The following TRAPPC10 variants were observed in gnomAD, a reference collection of about 807,000 sequenced individuals.
TRAPPC10 encodes the protein trafficking protein particle complex subunit 10.
A neutral mutation model predicts 125.5 loss-of-function variants in TRAPPC10; 23 were observed. The observed-to-expected ratio is 0.18, with a 90% CI of 0.13 to 0.26. TRAPPC10 has a LOEUF of 0.26. Among genes scored for constraint, TRAPPC10 ranks in the 10% least tolerant of loss-of-function variants. TRAPPC10 has a pLI of 1.00. For synonymous variants in TRAPPC10, 509 were observed against 518.0 expected, an observed-to-expected ratio of 0.98 and a Z score of 0.24; for missense variants, 1,123 against 1,308.4, an observed-to-expected ratio of 0.86 and a Z score of 2.19.
At chr21:44,014,424 TTCTC>T (rs1447041761) in intron 1 of TRAPPC10, among the ~76,000 whole-genome samples, 3 of 151,898 alleles carry the variant, frequency 2.0e-5, no homozygotes, top group African/African-American at 7.3e-5. Flanking sequence ...GACGGCGTCT[TTCTC>T]TGTCGCCCAG....
At chr21:44,042,035 A>G (rs750264069) in intron 3 of TRAPPC10, among the ~76,000 whole-genome samples, 3 of 152,076 alleles carry the variant, frequency 2.0e-5, no homozygotes, top group Non-Finnish European at 4.4e-5. Context: ...CTTATTTTGT[A>G]TATTTGTGCT....
intron 8 of TRAPPC10, 104 bp downstream of exon 8, chr21:44,074,574 C>T (rs768558481): frequency 3.2e-5 from 46 of 1,459,672 alleles, no homozygotes; most frequent in Non-Finnish European, 4.3e-5. Flanking sequence ...TCATTTAGAT[C>T]ACGATGCATC....
chr21:44,027,749 T>C (rs955255031), intron 1 of TRAPPC10, among the ~76,000 whole-genome samples: 1 of 152,184 alleles, frequency 6.6e-6, no homozygotes, highest in Admixed American at 6.5e-5. Flanking sequence ...AGCTGTTCCA[T>C]GACCCTAATG....
chr21:44,075,571 G>A lies in TRAPPC10; in HGVS notation c.1300+418G>A, dbSNP rs191931284. Reference sequence around the variant, plus strand: ...CACAATCTTGGCTCACTGCAGCCTCGACCTCCTGGGCTCAAGGGATCCTCT... The same window carrying A: ...CACAATCTTGGCTCACTGCAGCCTCAACCTCCTGGGCTCAAGGGATCCTCT... On this transcript the variant is annotated intron_variant, in intron 9 of 22. Coordinates refer to ENST00000291574, the MANE Select transcript of TRAPPC10 (RefSeq NM_003274.5). Among the ~76,000 whole-genome samples the A allele has an allele frequency of 4.6e-3, 692 of 151,668 alleles. 6 individuals are homozygous for A. The highest frequency in any genetic ancestry group is 0.016 in the African/African-American group (646 of 41,308).
chr21:44,079,023 G>A (rs529843897), intron 11 of TRAPPC10, among the ~76,000 whole-genome samples: 16 of 152,342 alleles, frequency 1.1e-4, no homozygotes, highest in African/African-American at 3.8e-4. Context: ...TTCTCTGGAA[G>A]CTGGATCCTG....
chr21:44,056,646 T>G (rs1330419249), intron 5 of TRAPPC10, among the ~76,000 whole-genome samples: 2 of 152,146 alleles, frequency 1.3e-5, no homozygotes, highest in African/African-American at 4.8e-5. Flanking sequence ...TGAACCCACG[T>G]AAAGGGACAT....
chr21:44,037,745 A>C (rs753248142), intron 2 of TRAPPC10, 47 bp from the exon 3 acceptor site: 7 of 1,587,880 alleles, frequency 4.4e-6, no homozygotes, highest in Non-Finnish European at 6.0e-6. Flanking sequence ...TCTTCTGATG[A>C]ATGCTGTTTA....
At position 44,055,890 on chromosome 21, in the gene TRAPPC10, T is replaced by G. The variant is rs755035765; in HGVS notation, c.675T>G (p.Val225=). ...PGWSFCEYFM[V]QEELAFVFEM... is the part of the protein sequence containing the mutation. ...GGAGCTTTTGTGAATATTTCATGGT[T>G]CAGGTACTTGACTCATTACAGAACT... The change falls in exon 5 of 23, where the codon GTT becomes GTG. Residue 225 remains valine, a synonymous_variant. Coordinates refer to ENST00000291574, the MANE Select transcript of TRAPPC10 (RefSeq NM_003274.5). 1 of 1,599,932 alleles carries G rather than the reference T, an allele frequency of 6.3e-7. No individual in the cohort carries two copies. Among genetic ancestry groups the G allele is most frequent in the South Asian group, 1.1e-5 (1 of 90,282 alleles).
Position 44,087,557 on chromosome 21 carries a change from T to C in TRAPPC10, c.2540-142T>C. 1.4e-6 allele frequency: 1 copy of C among 706,038 alleles called. No individual in the cohort carries two copies. Among genetic ancestry groups the C allele is most frequent in the East Asian group, 2.7e-5 (1 of 36,922 alleles). The allele number at this position is 706,038 out of a possible 1,614,324, so 43.7% of individuals were successfully genotyped here. On this transcript the variant is annotated intron_variant, in intron 16 of 22. Coordinates refer to ENST00000291574, the MANE Select transcript of TRAPPC10 (RefSeq NM_003274.5). This position sits in a 1 kb window ranked among gnomAD's most constrained non-coding sequence, Gnocchi z 4.6. Reference sequence around the variant, plus strand: ...CAGGGCTGCTCTGTCCTAGGGGCCTTGTTCTTGGGTTTGCCTGCCAGGTGC... The same window carrying C: ...CAGGGCTGCTCTGTCCTAGGGGCCTCGTTCTTGGGTTTGCCTGCCAGGTGC...
intron 15 of TRAPPC10, among the ~76,000 whole-genome samples, chr21:44,085,680 G>A (rs1158428581): frequency 6.6e-6 from 1 of 151,000 alleles, no homozygotes; most frequent in Non-Finnish European, 1.5e-5. Context: ...GTTCTCCAGC[G>A]TGGGTGACAG....
intron 3 of TRAPPC10, chr21:44,046,308 GTATT>G (rs2034801127): frequency 7.9e-6 from 2 of 254,028 alleles, no homozygotes; most frequent in South Asian, 6.3e-5. Flanking sequence ...AGCTGGTAGA[GTATT>G]TAGAGTCCTG....
At chr21:44,066,836 A>G (rs1281735084) in intron 7 of TRAPPC10, among the ~76,000 whole-genome samples, 1 of 152,188 alleles carries the variant, frequency 6.6e-6, no homozygotes, top group Non-Finnish European at 1.5e-5. Flanking sequence ...TTAAAGCTAT[A>G]TGTTGTTAAT....
chr21:44,063,217 C>T lies in TRAPPC10; in HGVS notation c.791-321C>T, dbSNP rs1274027600. The T allele has an allele frequency of 2.4e-6, 3 of 1,267,298 alleles. No homozygotes were observed. The highest frequency in any genetic ancestry group is 6.0e-5 in the Admixed American group (2 of 33,456). 78.5% of individuals were successfully genotyped at this position (1,267,298 alleles called of 1,614,324 possible). A position where few individuals can be genotyped will look rare whatever the true frequency, so the allele number is the denominator to read the frequency against. ...CGCTGCAGCCTAAGACTAGAGCCCT[C>T]CCTCGGCCTGAGACAGAGCCTGAGC... On this transcript the variant is annotated intron_variant, in intron 6 of 22. Coordinates refer to ENST00000291574, the MANE Select transcript of TRAPPC10 (RefSeq NM_003274.5). This position sits in a 1 kb window ranked among gnomAD's most constrained non-coding sequence, Gnocchi z 4.4.
At chr21:44,053,017 C>T (rs139130482) in intron 4 of TRAPPC10, among the ~76,000 whole-genome samples, 1 of 151,976 alleles carries the variant, frequency 6.6e-6, no homozygotes, top group Non-Finnish European at 1.5e-5. Context: ...GATGCCATTG[C>T]CAGCTGAGCC....
chr21:44,079,638 C>T lies in TRAPPC10; in HGVS notation c.1544C>T (p.Ala515Val). The change falls in exon 12 of 23, where the codon GCA (alanine) becomes GTA (valine). Residue 515 changes from alanine to valine, a missense_variant. Physicochemically the swap from Ala to Val is moderately conservative, Grantham distance 64 (BLOSUM62 0). Around this residue, in one of 4 missense-constraint regions of TRAPPC10, gnomAD observed 840 missense variants for 902.0 expected, o/e 0.93. Coordinates refer to ENST00000291574, the MANE Select transcript of TRAPPC10 (RefSeq NM_003274.5). ...AAAAACTACCTGGCTGAGGGCTGGG[C>T]ACTCCCCATCACACACACAAGGAAG... ...ALKNYLAEGW[A>V]LPITHTRKQL... 1 of 1,610,652 alleles carries T rather than the reference C, an allele frequency of 6.2e-7. No homozygotes were observed. The highest frequency in any genetic ancestry group is 8.5e-7 in the Non-Finnish European group (1 of 1,179,232).
At chr21:44,046,811 T>A in intron 3 of TRAPPC10, 1 of 588,988 alleles carries the variant, frequency 1.7e-6, no homozygotes, top group Non-Finnish European at 3.2e-6. Context: ...CCCGGCCACC[T>A]TTAAGTCTTT....
chr21:44,079,906 A>G, intron 12 of TRAPPC10, 109 bp from the exon 13 acceptor site: 4 of 1,109,320 alleles, frequency 3.6e-6, no homozygotes, highest in Non-Finnish European at 3.8e-6. Context: ...AAAAAAAAAA[A>G]GCCCTTTGGC....
At chr21:44,027,758 T>C (rs776787613) in intron 1 of TRAPPC10, among the ~76,000 whole-genome samples, 4 of 152,170 alleles carry the variant, frequency 2.6e-5, no homozygotes, top group Non-Finnish European at 5.9e-5. Flanking sequence ...ATGACCCTAA[T>C]GTGATGGTTT....
chr21:44,035,639 T>C (rs2033932665), intron 2 of TRAPPC10, among the ~76,000 whole-genome samples: 1 of 152,004 alleles, frequency 6.6e-6, no homozygotes, highest in Non-Finnish European at 1.5e-5. Flanking sequence ...TAGCCAGGCA[T>C]GGTGGCACAC....
Sources: gnomAD v4.1 joint callset for allele counts (sites outside exome capture counted in the v4.1 genomes callset) on GRCh38, gnomAD v4.1.1 for gene constraint, gnomAD v4.1.1 regional missense constraint, Gnocchi (gnomAD v3.1) non-coding constraint, MANE v1.5 for transcripts, NCBI Gene and HGNC (gene_info 2026-07-23, HGNC 2026-07-21) for gene names.